Variants in MYO10 observed in about 807,000 individuals in gnomAD.
MYO10 encodes the protein unconventional myosin-X.
In MYO10, 133 loss-of-function variants were observed where a neutral mutation model predicts 257.3. The ratio of observed to expected loss-of-function variants is 0.52; its 90% CI spans 0.45 to 0.60. MYO10 has a LOEUF of 0.60. MYO10 is among the 20% of genes least tolerant of loss of function. MYO10 has a pLI of 0.00. For missense variants in MYO10, 2,399 were observed against 2,635.7 expected, an observed-to-expected ratio of 0.91 and a Z score of 1.97; for synonymous variants, 1,104 against 1,028.6, an observed-to-expected ratio of 1.07 and a Z score of -1.40.
intron 2 of MYO10, among the ~76,000 whole-genome samples, chr5:16,872,416 G>C (rs12152886): frequency 0.18 from 26,790 of 152,090 alleles, 2,703 homozygotes; most frequent in Admixed American, 0.28. Context: ...TAGAGTTTCA[G>C]TGCTGCAAGA....
At chr5:16,864,341 C>G (rs1246371593) in intron 2 of MYO10, among the ~76,000 whole-genome samples, 1 of 152,138 alleles carries the variant, frequency 6.6e-6, no homozygotes, top group African/African-American at 2.4e-5. Context: ...CCAGGCTCGG[C>G]TCCGAGGTGC....
intron 1 of MYO10, among the ~76,000 whole-genome samples, chr5:16,897,625 T>C (rs555976516): frequency 6.6e-6 from 1 of 152,346 alleles, no homozygotes; most frequent in African/African-American, 2.4e-5. Flanking sequence ...TTGTTCTCTG[T>C]GCAAATGCCA....
At chr5:16,920,409 C>T (rs1265734619) in intron 1 of MYO10, among the ~76,000 whole-genome samples, 2 of 152,122 alleles carry the variant, frequency 1.3e-5, no homozygotes, top group African/African-American at 2.4e-5. Flanking sequence ...GAAGAAAGTC[C>T]GTCTCAAAAG....
At chr5:16,824,659 G>T (rs1359030802) in intron 2 of MYO10, among the ~76,000 whole-genome samples, 1 of 152,150 alleles carries the variant, frequency 6.6e-6, no homozygotes, top group African/African-American at 2.4e-5. Context: ...ACGAGGTCAA[G>T]AGATTGAGAC....
intron 2 of MYO10, among the ~76,000 whole-genome samples, chr5:16,826,669 T>G (rs1467238547): frequency 2.6e-5 from 4 of 152,210 alleles, no homozygotes; most frequent in African/African-American, 9.7e-5. Flanking sequence ...TGAAAATCTA[T>G]TTGTCATAAC....
In MYO10 at chr5:16,669,142, G is replaced by A. The variant is rs771919564; in HGVS notation, c.5884-674C>T. Among the ~76,000 whole-genome samples, 123 of 152,152 alleles carry A rather than the reference G, an allele frequency of 8.1e-4. 3 individuals are homozygous for A. The highest frequency in any genetic ancestry group is 2.2e-4 in the Non-Finnish European group (15 of 68,022). ...AGGAGGGCTATAAATTGGAGACGCT[G>A]AAAAGAGTCTCTAGTTTATATCCCT... On this transcript the variant is annotated intron_variant, in intron 39 of 40. Coordinates refer to ENST00000513610, the MANE Select transcript of MYO10 (RefSeq NM_012334.3).
chr5:16,906,840 G>A (rs953700114), intron 1 of MYO10, among the ~76,000 whole-genome samples: 2 of 152,236 alleles, frequency 1.3e-5, no homozygotes, highest in East Asian at 3.9e-4. Context: ...GGCCAGGCAC[G>A]GTGGCTCACG....
Position 16,682,019 on chromosome 5 carries a change from C to A in MYO10, c.4047-6G>T, listed in dbSNP as rs1737029151. On this transcript the variant is annotated splice_polypyrimidine_tract_variant and splice_region_variant and intron_variant, in intron 30 of 40. Transcript: ENST00000513610. ...TGATCACAAACGAGTTGGGTCTGAG[C>A]CACAAGATGAGAAGGAAACAAAGCC... 6.2e-7 allele frequency: 1 copy of A among 1,612,222 alleles called. No homozygotes were observed. Among genetic ancestry groups the A allele is most frequent in the Non-Finnish European group, 8.5e-7 (1 of 1,179,626 alleles).
chr5:16,891,391 G>A (rs914507999), intron 1 of MYO10, among the ~76,000 whole-genome samples: 1 of 147,310 alleles, frequency 6.8e-6, no homozygotes, highest in Non-Finnish European at 1.5e-5. Flanking sequence ...AGAGAGAGAG[G>A]AAGGAGGAAG....
intron 2 of MYO10, among the ~76,000 whole-genome samples, chr5:16,843,137 G>A (rs373933935): frequency 1.3e-5 from 2 of 151,948 alleles, no homozygotes; most frequent in Admixed American, 6.6e-5. Flanking sequence ...GACAGGCCTC[G>A]AGCCAGCTGA....
chr5:16,845,571 C>T (rs1743610354), intron 2 of MYO10, among the ~76,000 whole-genome samples: 1 of 152,070 alleles, frequency 6.6e-6, no homozygotes, highest in African/African-American at 2.4e-5. Context: ...AGAGTTGAGG[C>T]AGGAGGATTG....
chr5:16,906,328 A>G (rs1745518756), intron 1 of MYO10, among the ~76,000 whole-genome samples: 1 of 152,206 alleles, frequency 6.6e-6, no homozygotes, highest in Admixed American at 6.5e-5. Flanking sequence ...TCTCAGCAGC[A>G]ACACCACTGA....
chr5:16,861,800 G>C (rs1477476840), intron 2 of MYO10, among the ~76,000 whole-genome samples: 1 of 152,104 alleles, frequency 6.6e-6, no homozygotes, highest in African/African-American at 2.4e-5. Context: ...TGAAAAAGTG[G>C]AAAGATGATA....
chr5:16,895,194 T>C (rs1745182430), intron 1 of MYO10, among the ~76,000 whole-genome samples: 1 of 152,254 alleles, frequency 6.6e-6, no homozygotes, highest in Admixed American at 6.5e-5. Flanking sequence ...CCATTTTTAA[T>C]TCTTTCTCAG....
rs190710111 is a variant in MYO10, at chr5:16,900,609, C to T, written c.22-22902G>A. Among the ~76,000 whole-genome samples the T allele has an allele frequency of 3.9e-3, 586 of 152,182 alleles. 2 individuals carry two copies. The highest frequency in any genetic ancestry group is 4.0e-3 in the Non-Finnish European group (272 of 68,014). On this transcript the variant is annotated intron_variant, in intron 1 of 40. Transcript: ENST00000513610. ...ATCCGGTGACAATTGGATAGAGCAG[C>T]CAGGCCATCTGTTCTCACCACCTCC...
intron 4 of MYO10, among the ~76,000 whole-genome samples, chr5:16,792,360 G>A (rs1741793008): frequency 6.6e-6 from 1 of 152,186 alleles, no homozygotes; most frequent in Admixed American, 6.5e-5. Flanking sequence ...AAATCAAAGG[G>A]CTGTCAGGGG....
intron 1 of MYO10, among the ~76,000 whole-genome samples, chr5:16,911,444 A>G (rs1326078104): frequency 6.6e-6 from 1 of 152,178 alleles, no homozygotes; most frequent in Non-Finnish European, 1.5e-5. Flanking sequence ...AAACATTATG[A>G]GATTTCTGCT....
At chr5:16,854,914 T>G (rs896587457) in intron 2 of MYO10, among the ~76,000 whole-genome samples, 1 of 151,846 alleles carries the variant, frequency 6.6e-6, no homozygotes, top group Non-Finnish European at 1.5e-5. Flanking sequence ...GCACCTGTAA[T>G]CTCAGCTACT....
intron 19 of MYO10, among the ~76,000 whole-genome samples, chr5:16,747,181 G>A (rs1287285548): frequency 6.6e-6 from 1 of 152,148 alleles, no homozygotes; most frequent in African/African-American, 2.4e-5. Flanking sequence ...GCTGAGGGAG[G>A]TAGACAGGGC....
Sources: gnomAD v4.1 joint callset for allele counts (sites outside exome capture counted in the v4.1 genomes callset) on GRCh38, gnomAD v4.1.1 for gene constraint, MANE v1.5 for transcripts, NCBI Gene and HGNC (gene_info 2026-07-23, HGNC 2026-07-21) for gene names.